DDR2: variants seen among roughly 807,000 people sequenced by gnomAD.
The protein encoded by DDR2 is discoidin domain receptor tyrosine kinase 2.
A neutral mutation model predicts 94.9 loss-of-function variants in DDR2; 27 were observed. That is an observed-to-expected ratio of 0.28 (90% CI 0.21 to 0.39). The LOEUF (loss-of-function observed/expected upper bound fraction) is 0.39. Among genes scored for constraint, DDR2 ranks in the 10% least tolerant of loss-of-function variants. The pLI is 1.00. For synonymous variants in DDR2, 382 were observed against 377.2 expected, an observed-to-expected ratio of 1.01 and a Z score of -0.15; for missense variants, 783 against 1,076.0, an observed-to-expected ratio of 0.73 and a Z score of 3.81.
chr1:162,763,655 T>G (rs1663863316), intron 9 of DDR2, among the ~76,000 whole-genome samples: 1 of 152,154 alleles, frequency 6.6e-6, no homozygotes, highest in African/African-American at 2.4e-5. Context: ...AAATCTTGAT[T>G]CCTTTTAGTA....
At chr1:162,726,902 T>C (rs1661696868) in intron 3 of DDR2, among the ~76,000 whole-genome samples, 1 of 151,406 alleles carries the variant, frequency 6.6e-6, no homozygotes, top group Non-Finnish European at 1.5e-5. Context: ...TTCTGAAAGC[T>C]GACAAGAACT....
intron 1 of DDR2, among the ~76,000 whole-genome samples, chr1:162,636,216 G>T (rs1656809527): frequency 6.6e-6 from 1 of 152,184 alleles, no homozygotes; most frequent in Non-Finnish European, 1.5e-5. Context: ...GGCAAATTGT[G>T]TACTTATTAG....
chr1:162,787,135 G>C lies in DDR2; in HGVS notation c.*6889G>C, dbSNP rs1029793351. 1 of 152,074 alleles carries C rather than the reference G, an allele frequency of 6.6e-6. No homozygotes were observed. Among genetic ancestry groups the C allele is most frequent in the Non-Finnish European group, 1.5e-5 (1 of 68,014 alleles). 9.4% of individuals were successfully genotyped at this position (152,074 alleles called of 1,614,324 possible). ...ATTTCTCAGAATATGTGAGTTTTCT[G>C]AGCACATTTTTCAGCATGGGGTATG... On this transcript the variant is annotated 3_prime_UTR_variant, in exon 18 of 18. Transcript: ENST00000367921.
chr1:162,690,709 A>G (rs1173513310), intron 2 of DDR2, among the ~76,000 whole-genome samples: 1 of 152,194 alleles, frequency 6.6e-6, no homozygotes, highest in Non-Finnish European at 1.5e-5. Context: ...TGAGTAAATA[A>G]CCATGACTAA....
At chr1:162,771,430 A>G (rs1664261687) in intron 12 of DDR2, among the ~76,000 whole-genome samples, 1 of 152,222 alleles carries the variant, frequency 6.6e-6, no homozygotes, top group Non-Finnish European at 1.5e-5. Flanking sequence ...TTATTATTCA[A>G]TGGATAGAAG....
chr1:162,761,345 T>G lies in DDR2; in HGVS notation c.990T>G (p.Ser330Arg). 1.2e-6 allele frequency: 2 copies of G among 1,614,208 alleles called. No individual in the cohort carries two copies. Among genetic ancestry groups the G allele is most frequent in the Non-Finnish European group, 1.7e-6 (2 of 1,180,032 alleles). Reference protein sequence around the residue: ...FPLVLDDVNPSARFVTVPLHH... With the variant: ...FPLVLDDVNPRARFVTVPLHH... ...TTGTCCTGGATGACGTCAACCCCAG[T>G]GCTCGGTTTGTCACGGTGCCTCTCC... The change falls in exon 9 of 18, where the codon AGT (serine) becomes AGG (arginine). Residue 330 changes from serine to arginine, a missense_variant. Physicochemically the swap from Ser to Arg is moderately radical, Grantham distance 110 (BLOSUM62 -1). Around this residue, in one of 2 missense-constraint regions of DDR2, gnomAD observed 519 missense variants for 647.9 expected, o/e 0.80. Coordinates refer to ENST00000367921, the MANE Select transcript of DDR2 (RefSeq NM_006182.4).
intron 2 of DDR2, among the ~76,000 whole-genome samples, chr1:162,685,350 T>C (rs986467366): frequency 1.3e-5 from 2 of 152,206 alleles, no homozygotes; most frequent in Non-Finnish European, 2.9e-5. Context: ...ACCATATATT[T>C]TGTCATGGTG....
At position 162,746,173 on chromosome 1, in the gene DDR2, C is replaced by T. The variant is rs181788473; in HGVS notation, c.83-6922C>T. Among the ~76,000 whole-genome samples, 22 of 152,268 alleles carry T rather than the reference C, an allele frequency of 1.4e-4. No homozygotes were observed. In the East Asian group the frequency reaches 1.9e-3, roughly 13 times the overall value. ...TGTGAGCTGAAGCAGGGTGGGGCAT[C>T]GCCTCACCCAGGAAGTGCAAGTGGT... On this transcript the variant is annotated intron_variant, in intron 3 of 17. Transcript: ENST00000367921.
chr1:162,689,007 T>C (rs1659828192), intron 2 of DDR2, among the ~76,000 whole-genome samples: 1 of 152,218 alleles, frequency 6.6e-6, no homozygotes, highest in African/African-American at 2.4e-5. Flanking sequence ...TGCACACTTT[T>C]GTTGTGTGAC....
chr1:162,754,802 TAC>T lies in DDR2; in HGVS notation c.366_367del (p.Tyr122Ter). 1 of 1,613,986 alleles carries T rather than the reference TAC, an allele frequency of 6.2e-7. No individual in the cohort carries two copies. The highest frequency in any genetic ancestry group is 1.1e-5 in the South Asian group (1 of 91,078). On this transcript the variant is annotated frameshift_variant, in exon 5 of 18. Coordinates refer to ENST00000367921, the MANE Select transcript of DDR2 (RefSeq NM_006182.4). LOFTEE classifies it high-confidence loss of function. ...GTTTGCCCCCATGTACAAGATCAAT[TAC>T]AGTCGGGATGGCACTCGCTGGATCT... ...IEFAPMYKINYSRDGTRWISW... is the reference protein window; with the variant it reads ...IEFAPMYKINXSRDGTRWISW...
chr1:162,691,813 G>T (rs7519400), intron 2 of DDR2, among the ~76,000 whole-genome samples: 97,760 of 152,144 alleles, frequency 0.64, 33,323 homozygotes, highest in Middle Eastern at 0.8. Context: ...TTTTGAAGTT[G>T]TCAGTTTAGA....
At chr1:162,695,318 A>G (rs1246948030) in intron 2 of DDR2, among the ~76,000 whole-genome samples, 1 of 152,094 alleles carries the variant, frequency 6.6e-6, no homozygotes, top group Non-Finnish European at 1.5e-5. Context: ...TGTAGCCTCC[A>G]CCTCCCAGGT....
Position 162,638,179 on chromosome 1 carries a change from C to A in DDR2, c.-192+5548C>A, listed in dbSNP as rs529933591. ...GGGATTACAGACACCCGCCACCAAG[C>A]CCAGCAAATTTTTGTATTTTTAGTA... On this transcript the variant is annotated intron_variant, in intron 1 of 17. Transcript: ENST00000367921. Among the ~76,000 whole-genome samples, 64 of 152,212 alleles carry A rather than the reference C, an allele frequency of 4.2e-4. 1 individual carries two copies. The highest frequency in any genetic ancestry group is 7.4e-4 in the Non-Finnish European group (50 of 68,010).
intron 3 of DDR2, among the ~76,000 whole-genome samples, chr1:162,721,415 T>C (rs1321515731): frequency 6.6e-6 from 1 of 152,208 alleles, no homozygotes; most frequent in Non-Finnish European, 1.5e-5. Context: ...AAACAGGACA[T>C]GTTGAAGGAC....
At chr1:162,697,943 G>A (rs1323923295) in intron 2 of DDR2, among the ~76,000 whole-genome samples, 3 of 152,222 alleles carry the variant, frequency 2.0e-5, no homozygotes, top group Admixed American at 2.0e-4. Context: ...TGGAGTGATA[G>A]TAGAAGTAGA....
intron 2 of DDR2, among the ~76,000 whole-genome samples, chr1:162,661,227 G>C (rs1658279747): frequency 6.6e-6 from 1 of 152,134 alleles, no homozygotes; most frequent in African/African-American, 2.4e-5. Context: ...ATTTTATTGA[G>C]CTGACTCCCT....
At chr1:162,638,205 G>T (rs1332252110) in intron 1 of DDR2, among the ~76,000 whole-genome samples, 1 of 152,110 alleles carries the variant, frequency 6.6e-6, no homozygotes, top group African/African-American at 2.4e-5. Context: ...ATTTTTAGTA[G>T]AGTTGGGGTT....
chr1:162,775,836 A>C lies in DDR2; in HGVS notation c.2041A>C (p.Thr681Pro), dbSNP rs1647516248. The change falls in exon 15 of 18, where the codon ACT becomes CCT. Residue 681 changes from threonine to proline, a missense_variant. Physicochemically the swap from Thr to Pro is conservative, Grantham distance 38 (BLOSUM62 -1). Coordinates refer to ENST00000367921, the MANE Select transcript of DDR2 (RefSeq NM_006182.4). ...TAATTCTTCCTCCAGCGATGTACGC[A>C]CTGTCAGGTAAACAAGCCAGGTCTT... ...PPNSSSSDVR[T>P]VSYTNLKFMA... is the part of the protein sequence containing the mutation. 6.2e-7 allele frequency: 1 copy of C among 1,613,860 alleles called. No homozygotes were observed. The highest frequency in any genetic ancestry group is 1.3e-5 in the African/African-American group (1 of 74,914).
intron 2 of DDR2, among the ~76,000 whole-genome samples, chr1:162,665,786 G>A (rs1658520705): frequency 6.6e-6 from 1 of 152,138 alleles, no homozygotes; most frequent in Non-Finnish European, 1.5e-5. Flanking sequence ...AGATACATAA[G>A]AGGAGAAGGA....
Sources: gnomAD v4.1 joint callset for allele counts (sites outside exome capture counted in the v4.1 genomes callset) on GRCh38, gnomAD v4.1.1 for gene constraint, gnomAD v4.1.1 regional missense constraint, MANE v1.5 for transcripts, NCBI Gene and HGNC (gene_info 2026-07-23, HGNC 2026-07-21) for gene names.